HHIP: variants seen among roughly 807,000 people sequenced by gnomAD.
HHIP encodes the protein hedgehog-interacting protein.
A neutral mutation model predicts 74.0 loss-of-function variants in HHIP; 12 were observed. The ratio of observed to expected loss-of-function variants is 0.16; its 90% CI spans 0.10 to 0.26. HHIP has a LOEUF of 0.26. HHIP is among the 10% of genes least tolerant of loss of function. The pLI is 1.00. For synonymous variants in HHIP, 309 were observed against 311.6 expected, an observed-to-expected ratio of 0.99 and a Z score of 0.09; for missense variants, 788 against 845.0, an observed-to-expected ratio of 0.93 and a Z score of 0.84.
intron 11 of HHIP, among the ~76,000 whole-genome samples, chr4:144,727,190 G>T (rs1012291757): frequency 4.9e-4 from 75 of 152,122 alleles, no homozygotes; most frequent in African/African-American, 1.7e-3. Flanking sequence ...CTTGGTGAAG[G>T]CTCCGTTTCT....
intron 7 of HHIP, among the ~76,000 whole-genome samples, chr4:144,711,151 G>A (rs1285494955): frequency 6.6e-6 from 1 of 152,248 alleles, no homozygotes; most frequent in East Asian, 1.9e-4. Flanking sequence ...AAAAGACCTC[G>A]ATATTTGTAG....
At chr4:144,732,611 T>G (rs1433279411) in intron 11 of HHIP, among the ~76,000 whole-genome samples, 1 of 152,186 alleles carries the variant, frequency 6.6e-6, no homozygotes, top group East Asian at 1.9e-4. Flanking sequence ...TGCCCATGAA[T>G]CAGTGTTCCT....
rs113354946 is a variant in HHIP at position 144,699,494 on chromosome 4, C to A, written c.832-7037C>A. ...AATTACTGGCCATTGGTGATTGAAC[C>A]CAACCTCCAACCTCTCTTGCTCCCT... On this transcript the variant is annotated intron_variant, in intron 4 of 12. Transcript: ENST00000296575. Among the ~76,000 whole-genome samples, 1,095 of 152,118 alleles carry A rather than the reference C, an allele frequency of 7.2e-3. 17 individuals are homozygous for A. The highest frequency in any genetic ancestry group is 0.025 in the African/African-American group (1,023 of 41,472).
At chr4:144,735,746 CTTT>C (rs1731098795) in intron 12 of HHIP, among the ~76,000 whole-genome samples, 1 of 152,132 alleles carries the variant, frequency 6.6e-6, no homozygotes, top group Non-Finnish European at 1.5e-5. Flanking sequence ...TAAATGCTAT[CTTT>C]TTGTTTGTCC....
rs142534688 is a variant in HHIP at position 144,715,418 on chromosome 4, G to A, written c.1666G>A (p.Glu556Lys). 23 of 1,613,158 alleles carry A rather than the reference G, an allele frequency of 1.4e-5. No individual in the cohort carries two copies. In the African/African-American group the frequency reaches 2.9e-4, roughly 21 times the overall value. ...TTCCGGTCACATCTTGGGATTTGGA[G>A]AAGATGAACTAGGTACTGTACAATC... ...YFSGHILGFG[E>K]DELGEVYILS... The change falls in exon 10 of 13, where the codon GAA (glutamate) becomes AAA (lysine). Residue 556 changes from glutamate (E) to lysine (K), a missense_variant. Coordinates refer to ENST00000296575, the MANE Select transcript of HHIP (RefSeq NM_022475.3).
intron 4 of HHIP, among the ~76,000 whole-genome samples, chr4:144,664,340 C>T (rs931100918): frequency 6.6e-6 from 1 of 152,214 alleles, no homozygotes; most frequent in Non-Finnish European, 1.5e-5. Context: ...CAGGGTCCAC[C>T]AGGGCAAGCC....
chr4:144,674,164 T>C (rs1729115743), intron 4 of HHIP, among the ~76,000 whole-genome samples: 1 of 152,218 alleles, frequency 6.6e-6, no homozygotes, highest in Non-Finnish European at 1.5e-5. Flanking sequence ...TCCCCTGTTA[T>C]TACTGAGATG....
At chr4:144,672,366 G>A (rs1729060746) in intron 4 of HHIP, among the ~76,000 whole-genome samples, 1 of 152,170 alleles carries the variant, frequency 6.6e-6, no homozygotes. Context: ...TTAATGACAA[G>A]ATAATGTCTT....
chr4:144,662,389 T>C (rs961832530), intron 4 of HHIP, among the ~76,000 whole-genome samples: 1 of 152,184 alleles, frequency 6.6e-6, no homozygotes, highest in Non-Finnish European at 1.5e-5. Flanking sequence ...CACACCAAGA[T>C]CGTGCTGCCT....
chr4:144,703,671 G>A (rs937977337), intron 4 of HHIP, among the ~76,000 whole-genome samples: 11 of 152,158 alleles, frequency 7.2e-5, no homozygotes, highest in African/African-American at 2.7e-4. Flanking sequence ...GGACAAAGGG[G>A]ACTAAGATAA....
chr4:144,713,399 T>C (rs1358613613), intron 8 of HHIP, among the ~76,000 whole-genome samples: 1 of 152,158 alleles, frequency 6.6e-6, no homozygotes, highest in African/African-American at 2.4e-5. Context: ...TACACCATAA[T>C]CACATGGGAG....
In HHIP at chr4:144,669,279, A is replaced by C. The variant is rs77750119; in HGVS notation, c.831+9441A>C. 2.3e-3 allele frequency among the ~76,000 whole-genome samples: 343 copies of C among 152,160 alleles called. 1 individual carries two copies. The highest frequency in any genetic ancestry group is 7.6e-3 in the African/African-American group (316 of 41,478). On this transcript the variant is annotated intron_variant, in intron 4 of 12. Transcript: ENST00000296575. ...TTTGAAAAATAAGGTGCTATTTATCAAGACCATTTTATAACGTGTTATCAT... is the reference window on the plus strand; with the variant it reads ...TTTGAAAAATAAGGTGCTATTTATCCAGACCATTTTATAACGTGTTATCAT...
At chr4:144,659,292 A>G (rs1013345131) in intron 3 of HHIP, among the ~76,000 whole-genome samples, 1 of 152,190 alleles carries the variant, frequency 6.6e-6, no homozygotes, top group African/African-American at 2.4e-5. Flanking sequence ...AGATCTTAGA[A>G]CTTTCTCTCT....
chr4:144,652,571 T>C, intron 1 of HHIP, 34 bp from the exon 2 acceptor site: 1 of 1,383,946 alleles, frequency 7.2e-7, no homozygotes. Context: ...ATTTACCTAC[T>C]AAAAAAAGTT....
chr4:144,734,917 G>C, intron 12 of HHIP, 28 bp downstream of exon 12: 1 of 1,581,058 alleles, frequency 6.3e-7, no homozygotes, highest in African/African-American at 1.3e-5. Flanking sequence ...CACCTGAAAA[G>C]GACTGGGGAT....
At chr4:144,686,547 A>G (rs1729491801) in intron 4 of HHIP, among the ~76,000 whole-genome samples, 1 of 152,212 alleles carries the variant, frequency 6.6e-6, no homozygotes, top group Admixed American at 6.5e-5. Flanking sequence ...AAGATACATT[A>G]GAAATATTAA....
rs548086105 is a variant in HHIP at position 144,719,979 on chromosome 4, G to A, written c.1760+1023G>A. On this transcript the variant is annotated intron_variant, in intron 11 of 12. Coordinates refer to ENST00000296575, the MANE Select transcript of HHIP (RefSeq NM_022475.3). ...TTGTCCTTTTTCTATGCAACAAAAC[G>A]CTTTTCTGAGGGAAATGTAGGTCGA... Among the ~76,000 whole-genome samples the A allele has an allele frequency of 4.6e-5, 7 of 152,206 alleles. No homozygotes were observed. The South Asian group carries it at 8.3e-4, about 18-fold the overall frequency.
At position 144,738,374 on chromosome 4, in the gene HHIP, A is replaced by T. The variant is rs202086153; in HGVS notation, c.*417A>T. On this transcript the variant is annotated 3_prime_UTR_variant, in exon 13 of 13. Transcript: ENST00000296575. ...ACTGTGCAATCCGATGGATCTAATTAAAAAAAAGGCAATATTTTTATATTA... is the reference window on the plus strand; with the variant it reads ...ACTGTGCAATCCGATGGATCTAATTTAAAAAAAGGCAATATTTTTATATTA... The T allele has an allele frequency of 1.1e-4, 103 of 968,918 alleles. No individual in the cohort carries two copies. The highest frequency in any genetic ancestry group is 2.3e-4 in the East Asian group (2 of 8,714). 60.0% of individuals were successfully genotyped at this position (968,918 alleles called of 1,614,324 possible). A position where few individuals can be genotyped will look rare whatever the true frequency, so the allele number is the denominator to read the frequency against.
At chr4:144,661,119 T>A (rs1357866212) in intron 4 of HHIP, among the ~76,000 whole-genome samples, 2 of 152,192 alleles carry the variant, frequency 1.3e-5, no homozygotes, top group African/African-American at 2.4e-5. Context: ...TGTTTCTACC[T>A]CAATTTGACT....
Sources: gnomAD v4.1 joint callset for allele counts (sites outside exome capture counted in the v4.1 genomes callset) on GRCh38, gnomAD v4.1.1 for gene constraint, MANE v1.5 for transcripts, NCBI Gene and HGNC (gene_info 2026-07-23, HGNC 2026-07-21) for gene names.